GASK1B: variants seen among roughly 807,000 people sequenced by gnomAD.
GASK1B encodes Golgi-associated kinase 1B.
Under a neutral mutation model 42.8 loss-of-function variants are expected in GASK1B, and 34 were observed. The ratio of observed to expected loss-of-function variants is 0.79; its 90% CI spans 0.60 to 1.06. The LOEUF is 1.06. Ranked by LOEUF, GASK1B falls within the 50% of genes least tolerant of loss-of-function variation. GASK1B has a pLI of 0.00. For synonymous variants in GASK1B, 262 were observed against 259.1 expected, an observed-to-expected ratio of 1.01 and a Z score of -0.11; for missense variants, 686 against 661.0, an observed-to-expected ratio of 1.04 and a Z score of -0.42.
chr4:158,155,623 A>C lies in GASK1B; in HGVS notation c.1113T>G (p.Asp371Glu), dbSNP rs1364931807. Residue 371 changes from aspartate (D) to glutamate (E), a missense_variant, in exon 3 of 5, where the codon GAT becomes GAG. Physicochemically the swap from Asp to Glu is conservative, Grantham distance 45. Transcript: ENST00000585682. ...TTGATAAACTTACCTGTAACAAAAA[A>C]TCAAAGAGTGCCATCTTGGACCACT... ...HHEWSKMALF[D>E]FLLQIYNRLD... 4 of 1,613,472 alleles carry C rather than the reference A, an allele frequency of 2.5e-6. No individual in the cohort carries two copies. Among genetic ancestry groups the C allele is most frequent in the Non-Finnish European group, 2.5e-6 (3 of 1,179,556 alleles).
chr4:158,139,918 C>T (rs1731049216), intron 3 of GASK1B, among the ~76,000 whole-genome samples: 1 of 152,174 alleles, frequency 6.6e-6, no homozygotes, highest in Non-Finnish European at 1.5e-5. Context: ...CTCATTTTGT[C>T]ACACAGGATA....
At chr4:158,141,273 G>T (rs905089176) in intron 3 of GASK1B, among the ~76,000 whole-genome samples, 2 of 151,928 alleles carry the variant, frequency 1.3e-5, no homozygotes, top group South Asian at 2.1e-4. Flanking sequence ...AGTCTGAAAA[G>T]GATGTGTACC....
In GASK1B at chr4:158,170,670, G is replaced by C. The variant is rs770386359; in HGVS notation, c.706C>G (p.Arg236Gly). ...LLADSAVAGLRPVSSRSGARL... is the reference protein window; with the variant it reads ...LLADSAVAGLGPVSSRSGARL... The stretch of plus-strand genomic sequence containing the variant: ...GCTCCGCTCCTAGAGGACACAGGCC[G>C]GAGCCCTGCCACTGCGCTGTCCGCC... The change falls in exon 2 of 5, where the codon CGG becomes GGG. Residue 236 changes from arginine to glycine, a missense_variant. Transcript: ENST00000585682. The C allele has an allele frequency of 1.2e-6, 2 of 1,614,080 alleles. No individual in the cohort carries two copies. Among genetic ancestry groups the C allele is most frequent in the Admixed American group, 1.7e-5 (1 of 60,034 alleles).
In GASK1B at chr4:158,170,297, C is replaced by A. The variant is rs780402444; in HGVS notation, c.910+169G>T. On this transcript the variant is annotated intron_variant, in intron 2 of 4. Transcript: ENST00000585682. ...CCTGGAACTCTCATATCCTCCCAGG[C>A]TGGGAAAATAAAGAATGCCAAGCGC... 11 of 1,614,230 alleles carry A rather than the reference C, an allele frequency of 6.8e-6. 1 individual carries two copies. In the South Asian group the frequency reaches 1.2e-4, roughly 18 times the overall value.
chr4:158,135,747 T>C (rs932217884), intron 3 of GASK1B, among the ~76,000 whole-genome samples: 8 of 151,982 alleles, frequency 5.3e-5, no homozygotes, highest in African/African-American at 1.9e-4. Flanking sequence ...GAATTTAAAA[T>C]ATTAGTTATA....
intron 3 of GASK1B, among the ~76,000 whole-genome samples, chr4:158,144,837 C>T (rs1188584828): frequency 2.6e-5 from 4 of 152,198 alleles, no homozygotes; most frequent in Non-Finnish European, 4.4e-5. Context: ...TTTGCTTGAA[C>T]TTACCAATAA....
rs779660644 is a variant in GASK1B at position 158,170,852 on chromosome 4, A to G, written c.524T>C (p.Ile175Thr). The G allele has an allele frequency of 5.0e-6, 8 of 1,614,170 alleles. No individual in the cohort carries two copies. Among genetic ancestry groups the G allele is most frequent in the South Asian group, 3.3e-5 (3 of 91,090 alleles). Residue 175 changes from isoleucine (I) to threonine (T), a missense_variant, in exon 2 of 5, where the codon ATT (isoleucine) becomes ACT (threonine). Transcript: ENST00000585682. ...CACCAACCTCCAGGGTCGCTCTCCA[A>G]TCTTAACCAGGTTTGCTCCCTGAGC... ...GYAQGANLVK[I>T]GERPWRLVRG...
intron 3 of GASK1B, among the ~76,000 whole-genome samples, chr4:158,137,338 G>A (rs1579013906): frequency 6.8e-6 from 1 of 148,068 alleles, no homozygotes; most frequent in African/African-American, 2.7e-5. Context: ...TACCTCATTG[G>A]ATATCTCATT....
rs1033685995 is a variant in GASK1B at position 158,170,781 on chromosome 4, T to C, written c.595A>G (p.Ser199Gly). 12 of 1,614,218 alleles carry C rather than the reference T, an allele frequency of 7.4e-6. No individual in the cohort carries two copies. The highest frequency in any genetic ancestry group is 1.3e-5 in the African/African-American group (1 of 75,072). The stretch of plus-strand genomic sequence containing the variant: ...ATCCTAATGTTGCTCTCCCTGGAGC[T>C]GGGCTGCAGGAAGTCTGGGCCCCCG... ...RAGGPDFLQP[S>G]SRESNIRIYS... Residue 199 changes from serine (S) to glycine (G), a missense_variant, in exon 2 of 5, where the codon AGC becomes GGC. Coordinates refer to ENST00000585682, the MANE Select transcript of GASK1B (RefSeq NM_001128424.2).
Position 158,158,921 on chromosome 4 carries a change from C to T in GASK1B, c.911-3096G>A, listed in dbSNP as rs191962452. On this transcript the variant is annotated intron_variant, in intron 2 of 4. Coordinates refer to ENST00000585682, the MANE Select transcript of GASK1B (RefSeq NM_001128424.2). ...AAATGGGCAGTGGGCCATTTTTGGCCTACAGGCTATACATTAACCCCTAAT... is the reference window on the plus strand; with the variant it reads ...AAATGGGCAGTGGGCCATTTTTGGCTTACAGGCTATACATTAACCCCTAAT... Among the ~76,000 whole-genome samples the T allele has an allele frequency of 1.5e-3, 233 of 152,046 alleles. 1 individual carries two copies. Among genetic ancestry groups the T allele is most frequent in the Admixed American group, 4.1e-3 (63 of 15,242 alleles).
intron 2 of GASK1B, among the ~76,000 whole-genome samples, chr4:158,159,914 C>A (rs1010247005): frequency 6.6e-6 from 1 of 152,024 alleles, no homozygotes; most frequent in Non-Finnish European, 1.5e-5. Flanking sequence ...ACTGGCTGAG[C>A]GGTTTTGTGG....
At chr4:158,165,689 T>C (rs1732203399) in intron 2 of GASK1B, among the ~76,000 whole-genome samples, 1 of 152,190 alleles carries the variant, frequency 6.6e-6, no homozygotes, top group African/African-American at 2.4e-5. Context: ...ATCCCATAAT[T>C]GTAGTAAGTT....
At chr4:158,131,750 C>A (rs1193207068) in intron 3 of GASK1B, among the ~76,000 whole-genome samples, 1 of 152,136 alleles carries the variant, frequency 6.6e-6, no homozygotes, top group African/African-American at 2.4e-5. Context: ...AAAGCCTGGG[C>A]AAAGGAATCA....
chr4:158,150,823 C>T (rs1731528783), intron 3 of GASK1B, among the ~76,000 whole-genome samples: 1 of 152,136 alleles, frequency 6.6e-6, no homozygotes, highest in African/African-American at 2.4e-5. Context: ...CTGACCACCT[C>T]CTTGCCAAGT....
chr4:158,130,885 C>T lies in GASK1B; in HGVS notation c.1253G>A (p.Arg418Gln), dbSNP rs151014669. The change falls in exon 4 of 5, where the codon CGA becomes CAA. Residue 418 changes from arginine (R) to glutamine (Q), a missense_variant. Transcript: ENST00000585682. ...GSAALAHIIQ[R>Q]KHDPRHLVFI... ...AACCAAATGCCTTGGGTCATGCTTT[C>T]GCTGGATAATGTGTGCTAGAGCCGC... 33 of 1,613,964 alleles carry T rather than the reference C, an allele frequency of 2.0e-5. No homozygotes were observed. Among genetic ancestry groups the T allele is most frequent in the African/African-American group, 1.2e-4 (9 of 74,912 alleles).
intron 3 of GASK1B, among the ~76,000 whole-genome samples, chr4:158,152,849 C>A (rs1162531958): frequency 6.6e-6 from 1 of 152,130 alleles, no homozygotes; most frequent in Non-Finnish European, 1.5e-5. Context: ...AGGGACGTAC[C>A]TTAAGGTAAT....
Position 158,130,867 on chromosome 4 carries a change from T to C in GASK1B, c.1271A>G (p.His424Arg), listed in dbSNP as rs765462131. 3.1e-6 allele frequency: 5 copies of C among 1,614,088 alleles called. No individual in the cohort carries two copies. The East Asian group carries it at 6.7e-5, about 22-fold the overall frequency. ...ACCCTTGTTGTCTATAAAAACCAAA[T>C]GCCTTGGGTCATGCTTTCGCTGGAT... ...HIIQRKHDPR[H>R]LVFIDNKGFF... The change falls in exon 4 of 5, where the codon CAT (histidine) becomes CGT (arginine). Residue 424 changes from histidine (H) to arginine (R), a missense_variant. Coordinates refer to ENST00000585682, the MANE Select transcript of GASK1B (RefSeq NM_001128424.2).
chr4:158,171,260 A>C lies in GASK1B; in HGVS notation c.116T>G (p.Leu39Arg), dbSNP rs765805670. 3.7e-6 allele frequency: 6 copies of C among 1,613,934 alleles called. No individual in the cohort carries two copies. The South Asian group carries it at 6.6e-5, about 18-fold the overall frequency. Residue 39 changes from leucine (L) to arginine (R), a missense_variant, in exon 2 of 5, where the codon CTG becomes CGG. Coordinates refer to ENST00000585682, the MANE Select transcript of GASK1B (RefSeq NM_001128424.2). ...GTAGATGGCACACGCAGTGCCCAGC[A>C]GAAGGTTTCTCCGGGTCCTTGGACG... The part of the protein sequence containing the change: ...SRRPRTRRNL[L>R]LGTACAIYLG...
At chr4:158,169,925 C>T in intron 2 of GASK1B, 2 of 326,160 alleles carry the variant, frequency 6.1e-6, no homozygotes, top group African/African-American at 2.1e-5. Context: ...TTTGCTCATT[C>T]TTTTTATTTG....
Sources: allele counts gnomAD v4.1 joint callset (sites outside exome capture counted in the v4.1 genomes callset), GRCh38; gene constraint gnomAD v4.1.1; transcripts MANE v1.5; gene names NCBI Gene and HGNC (gene_info 2026-07-23, HGNC 2026-07-21).